The following ZNF618 variants were observed in gnomAD, a reference collection of about 807,000 sequenced individuals.
ZNF618 encodes the protein neural precursor cell expressed, developmentally down-regulated 10.
ZNF618 carries 34 observed loss-of-function variants against 103.0 expected under a neutral mutation model. The ratio of observed to expected loss-of-function variants is 0.33; its 90% CI spans 0.25 to 0.44. ZNF618 has a LOEUF of 0.44. Ranked by LOEUF, ZNF618 falls within the 20% of genes least tolerant of loss-of-function variation. The pLI is 1.00. For synonymous variants in ZNF618, 551 were observed against 542.2 expected, an observed-to-expected ratio of 1.02 and a Z score of -0.23; for missense variants, 1,059 against 1,295.4, an observed-to-expected ratio of 0.82 and a Z score of 2.80.
chr9:113,884,168 GA>G (rs952192819), intron 1 of ZNF618, among the ~76,000 whole-genome samples: 10 of 152,126 alleles, frequency 6.6e-5, no homozygotes, highest in African/African-American at 2.4e-4. Flanking sequence ...GTAAATGGGG[GA>G]GGGGGGTCTC....
At chr9:113,938,450 G>C (rs1273497082) in intron 1 of ZNF618, among the ~76,000 whole-genome samples, 1 of 151,944 alleles carries the variant, frequency 6.6e-6, no homozygotes, top group Non-Finnish European at 1.5e-5. Flanking sequence ...TCAAAGCATT[G>C]GGATTATAGG....
At chr9:113,978,409 A>G (rs1838680885) in intron 2 of ZNF618, among the ~76,000 whole-genome samples, 1 of 152,208 alleles carries the variant, frequency 6.6e-6, no homozygotes, top group Non-Finnish European at 1.5e-5. Flanking sequence ...AGCATTTGAA[A>G]ACACATCAGG....
chr9:113,905,006 G>A (rs553253758), intron 1 of ZNF618, among the ~76,000 whole-genome samples: 2 of 152,168 alleles, frequency 1.3e-5, no homozygotes, highest in Non-Finnish European at 2.9e-5. Context: ...ACATGTCTTT[G>A]TTGGGTACAG....
intron 9 of ZNF618, among the ~76,000 whole-genome samples, chr9:114,008,835 C>T (rs973215931): frequency 1.2e-4 from 19 of 152,238 alleles, no homozygotes; most frequent in Non-Finnish European, 1.9e-4. Context: ...TGTTAGCCAT[C>T]CTGAACCTCA....
At chr9:113,985,788 G>A (rs1319508198) in intron 2 of ZNF618, among the ~76,000 whole-genome samples, 1 of 152,234 alleles carries the variant, frequency 6.6e-6, no homozygotes, top group Non-Finnish European at 1.5e-5. Flanking sequence ...CTTTGGGTAC[G>A]TTATTTCACC....
chr9:113,975,973 C>A (rs1156640299), intron 2 of ZNF618, among the ~76,000 whole-genome samples: 1 of 152,136 alleles, frequency 6.6e-6, no homozygotes, highest in Non-Finnish European at 1.5e-5. Flanking sequence ...TGAATGGGGG[C>A]CCATGTACTT....
intron 1 of ZNF618, among the ~76,000 whole-genome samples, chr9:113,892,742 G>T (rs555963928): frequency 1.3e-5 from 2 of 152,214 alleles, no homozygotes; most frequent in East Asian, 3.9e-4. Context: ...GTACTTAAAT[G>T]GTTTATCTAT....
chr9:114,005,312 C>CA (rs1334769914), intron 6 of ZNF618, among the ~76,000 whole-genome samples: 3 of 152,102 alleles, frequency 2.0e-5, no homozygotes, highest in East Asian at 1.9e-4. Flanking sequence ...CTTTCACTGA[C>CA]AAAAAAATGA....
rs545301730 is a variant in ZNF618, at chr9:113,917,717, A to G, written c.33+41304A>G. On this transcript the variant is annotated intron_variant, in intron 1 of 14. Coordinates refer to ENST00000374126, the MANE Select transcript of ZNF618 (RefSeq NM_001318042.2). ...TCTATCTTCCCACCTCTCTTTCCCA[A>G]TAAGGTAAGTTTTGTGAGGGAAGGG... Among the ~76,000 whole-genome samples, 7 of 152,194 alleles carry G rather than the reference A, an allele frequency of 4.6e-5. 1 individual carries two copies. The highest frequency in any genetic ancestry group is 1.7e-4 in the African/African-American group (7 of 41,500).
At chr9:114,003,034 G>T (rs1242053060) in intron 6 of ZNF618, among the ~76,000 whole-genome samples, 1 of 152,242 alleles carries the variant, frequency 6.6e-6, no homozygotes, top group Non-Finnish European at 1.5e-5. Flanking sequence ...CCCTGGATAT[G>T]CGGGTCCTTG....
intron 1 of ZNF618, among the ~76,000 whole-genome samples, chr9:113,912,143 A>G (rs1444998941): frequency 6.6e-6 from 1 of 152,064 alleles, no homozygotes; most frequent in Non-Finnish European, 1.5e-5. Context: ...GCTTCAAGGG[A>G]AGTTGAGGCT....
intron 1 of ZNF618, among the ~76,000 whole-genome samples, chr9:113,905,320 T>G (rs1830897961): frequency 6.6e-6 from 1 of 152,192 alleles, no homozygotes; most frequent in Admixed American, 6.5e-5. Context: ...CCAAAGTGCC[T>G]GTTTGATCTT....
chr9:113,979,641 C>T (rs1838801960), intron 2 of ZNF618, among the ~76,000 whole-genome samples: 1 of 152,208 alleles, frequency 6.6e-6, no homozygotes. Context: ...CTACAGGTGC[C>T]TCCAGTGCCA....
intron 10 of ZNF618, among the ~76,000 whole-genome samples, chr9:114,026,924 G>C (rs770921038): frequency 6.6e-6 from 1 of 152,082 alleles, no homozygotes; most frequent in Admixed American, 6.5e-5. Context: ...TGTGGAGGCC[G>C]AGGGTTACAG....
chr9:113,947,658 A>T (rs747916394), intron 1 of ZNF618, among the ~76,000 whole-genome samples: 3 of 151,808 alleles, frequency 2.0e-5, no homozygotes, highest in South Asian at 4.2e-4. Flanking sequence ...CCTTCGGGAG[A>T]CCCCTTGGGA....
intron 1 of ZNF618, 99 bp downstream of exon 1, chr9:113,876,512 A>T: frequency 1.1e-6 from 1 of 946,858 alleles, no homozygotes; most frequent in Non-Finnish European, 1.3e-6. Flanking sequence ...CAAAATGCAA[A>T]GTGCCTGGGC....
chr9:114,033,767 C>T (rs1453656482), intron 12 of ZNF618, among the ~76,000 whole-genome samples: 2 of 152,210 alleles, frequency 1.3e-5, no homozygotes, highest in Admixed American at 1.3e-4. Flanking sequence ...TAGGGGAAGG[C>T]ACCCACTCAC....
chr9:113,908,191 C>T (rs1242548441), intron 1 of ZNF618, among the ~76,000 whole-genome samples: 1 of 152,206 alleles, frequency 6.6e-6, no homozygotes, highest in East Asian at 1.9e-4. Flanking sequence ...CAGCACATTT[C>T]ACTTGTTCGT....
chr9:114,002,782 G>C (rs942286), intron 6 of ZNF618, 120 bp downstream of exon 6: 1 of 1,143,686 alleles, frequency 8.7e-7, no homozygotes, highest in Non-Finnish European at 1.2e-6. Flanking sequence ...ACACAGTGCT[G>C]GGGTCCAAGC....
Sources: allele counts gnomAD v4.1 joint callset (sites outside exome capture counted in the v4.1 genomes callset), GRCh38; gene constraint gnomAD v4.1.1; transcripts MANE v1.5; gene names NCBI Gene and HGNC (gene_info 2026-07-23, HGNC 2026-07-21).